The following OFD1 variants were observed in gnomAD, a reference collection of about 807,000 sequenced individuals.
OFD1 encodes centriole and centriolar satellite protein OFD1.
In OFD1, 12 loss-of-function variants were observed where a neutral mutation model predicts 81.4. That is an observed-to-expected ratio of 0.15 (90% CI 0.09 to 0.24). The LOEUF (loss-of-function observed/expected upper bound fraction) is 0.24. OFD1 is among the 10% of genes least tolerant of loss of function. The pLI is 1.00. For synonymous variants in OFD1, 256 were observed against 263.7 expected (o/e 0.97, Z 0.28); for missense variants, 685 against 733.9 (o/e 0.93, Z 0.77).
chrX:13,766,795 G>A (rs1231858253), intron 19 of OFD1, among the ~76,000 whole-genome samples: 1 of 111,222 alleles, frequency 9.0e-6, no homozygotes, highest in African/African-American at 3.3e-5. Flanking sequence ...TATAATCAAA[G>A]GCAGAGGCAG....
intron 10 of OFD1, chrX:13,753,148 G>T: frequency 9.7e-7 from 1 of 1,031,528 alleles, no homozygotes. Flanking sequence ...TTGTGTGATT[G>T]AGTTTTGGGA....
chrX:13,725,771 A>G, the OFD1 span, among the ~76,000 whole-genome samples: 1 of 112,512 alleles, frequency 8.9e-6, no homozygotes, highest in Non-Finnish European at 1.9e-5. Flanking sequence ...ATGAGTTGAC[A>G]GAATGAGGCT....
intron 3 of OFD1, 46 bp from the exon 4 acceptor site, chrX:13,738,800 C>A: frequency 1.4e-6 from 1 of 736,725 alleles, no homozygotes; most frequent in Non-Finnish European, 2.1e-6. Context: ...ATCATTTAAA[C>A]ACTGATATAA....
At chrX:13,745,188 C>T (rs1010413549) in intron 6 of OFD1, among the ~76,000 whole-genome samples, 5 of 112,249 alleles carry the variant, frequency 4.5e-5, no homozygotes, top group African/African-American at 1.6e-4. Flanking sequence ...TATTATATGA[C>T]TATGCCTTTA....
upstream of OFD1, among the ~76,000 whole-genome samples, chrX:13,733,087 A>C (rs1485150342): frequency 8.9e-6 from 1 of 111,969 alleles, no homozygotes; most frequent in Non-Finnish European, 1.9e-5. Context: ...AATTATATTC[A>C]TGTATTCAAC....
the OFD1 span, chrX:13,716,597 T>C: frequency 8.3e-7 from 1 of 1,211,553 alleles, no homozygotes; most frequent in East Asian, 3.0e-5. Context: ...TTCAAGTACA[T>C]GTTGTTCGAT....
At chrX:13,738,101 A>C (rs772592070) in intron 3 of OFD1, among the ~76,000 whole-genome samples, 2 of 112,019 alleles carry the variant, frequency 1.8e-5, no homozygotes, top group South Asian at 7.4e-4. Flanking sequence ...TGCCCACCTC[A>C]ATCTCCCAAA....
At chrX:13,749,863 A>G (rs1193608057) in intron 9 of OFD1, among the ~76,000 whole-genome samples, 1 of 112,649 alleles carries the variant, frequency 8.9e-6, no homozygotes. Context: ...GTGTGTATGT[A>G]TAGTAACTGA....
the OFD1 span, among the ~76,000 whole-genome samples, chrX:13,725,834 C>T: frequency 1.8e-5 from 2 of 111,625 alleles, no homozygotes; most frequent in Non-Finnish European, 3.8e-5. Flanking sequence ...ATGTTTGAAC[C>T]CATCTCAAGG....
At chrX:13,753,553 C>A in intron 11 of OFD1, 112 bp downstream of exon 11, 3 of 689,621 alleles carry the variant, frequency 4.4e-6, no homozygotes, top group South Asian at 2.7e-5. Flanking sequence ...CTTCATTGTT[C>A]ATACAAAATT....
At chrX:13,728,472 T>G in the OFD1 span, among the ~76,000 whole-genome samples, 11 of 111,544 alleles carry the variant, frequency 9.9e-5, no homozygotes, top group Non-Finnish European at 1.7e-4. Context: ...ACATAATCCA[T>G]CACATAAACA....
Position 13,739,045 on chromosome X carries a change from A to T in OFD1, c.412+13A>T, listed in dbSNP as rs1428430163. ...GAAAATCAAAAAGGTAGGAGCCGTC[A>T]TCTTTGTAGAGAACAGCAACAGTTT... On this transcript the variant is annotated intron_variant, in intron 5 of 22. Transcript: ENST00000340096. 3 of 1,195,058 alleles carry T rather than the reference A, an allele frequency of 2.5e-6. No homozygotes were observed. Among genetic ancestry groups the T allele is most frequent in the Non-Finnish European group, 3.4e-6 (3 of 882,903 alleles).
chrX:13,723,187 C>T, the OFD1 span, among the ~76,000 whole-genome samples: 1 of 111,037 alleles, frequency 9.0e-6, no homozygotes, highest in Non-Finnish European at 1.9e-5. Context: ...GGCCACAGTA[C>T]TAGACAGCAC....
chrX:13,737,154 C>T (rs201128184), intron 3 of OFD1, among the ~76,000 whole-genome samples: 1 of 63,530 alleles, frequency 1.6e-5, no homozygotes. Flanking sequence ...CTCTTTTTTT[C>T]CTGCACTAGT....
At chrX:13,717,034 TAAAAAAAAAAAAAAAAA>T in the OFD1 span, among the ~76,000 whole-genome samples, 1 of 37,936 alleles carries the variant, frequency 2.6e-5, no homozygotes, top group African/African-American at 1.1e-4. Flanking sequence ...GATACTATGT[TAAAAAAAAAAAAAAAAA>T]AAAAAAAAAA....
chrX:13,716,862 T>G, the OFD1 span: 10 of 444,977 alleles, frequency 2.2e-5, no homozygotes, highest in South Asian at 1.2e-4. Flanking sequence ...TTTTTAAATT[T>G]GATATCTACA....
rs767617604 is a variant in OFD1, at chrX:13,746,481, CAA to C, written c.654+27_654+28del. The C allele has an allele frequency of 2.4e-4, 287 of 1,199,819 alleles. No homozygotes were observed. The highest frequency in any genetic ancestry group is 2.8e-4 in the Non-Finnish European group (251 of 886,076). On this transcript the variant is annotated intron_variant, in intron 7 of 22. Transcript: ENST00000340096. ...GTAAGCTTTATCTTGTTACTGTAAA[CAA>C]GAGTGATGTTTTTGTTTGTCTTCTA... is the stretch of plus-strand genomic sequence containing the variant.
intron 10 of OFD1, among the ~76,000 whole-genome samples, chrX:13,752,449 AT>A (rs1415751758): frequency 1.8e-5 from 2 of 112,367 alleles, no homozygotes; most frequent in South Asian, 7.3e-4. Context: ...TCGATATTCC[AT>A]TACATAATAT....
intron 10 of OFD1, among the ~76,000 whole-genome samples, chrX:13,752,450 T>C (rs2047540267): frequency 8.9e-6 from 1 of 112,461 alleles, no homozygotes; most frequent in South Asian, 3.7e-4. Flanking sequence ...CGATATTCCA[T>C]TACATAATAT....
Sources: allele counts gnomAD v4.1 joint callset (sites outside exome capture counted in the v4.1 genomes callset), GRCh38; gene constraint gnomAD v4.1.1; transcripts MANE v1.5; gene names NCBI Gene and HGNC (gene_info 2026-07-23, HGNC 2026-07-21).